ATRNL1: variants seen among roughly 807,000 people sequenced by gnomAD.
The protein encoded by ATRNL1 is attractin like 1.
A neutral mutation model predicts 182.7 loss-of-function variants in ATRNL1; 95 were observed. That is an observed-to-expected ratio of 0.52 (90% CI 0.44 to 0.62). ATRNL1 has a LOEUF of 0.62. Among genes scored for constraint, ATRNL1 ranks in the 20% least tolerant of loss-of-function variants. ATRNL1 has a pLI of 0.00. For missense variants in ATRNL1, 1,471 were observed against 1,679.5 expected (o/e 0.88, Z 2.17); for synonymous variants, 576 against 568.3 (o/e 1.01, Z -0.19).
chr10:115,877,488 C>T (rs782459635), intron 28 of ATRNL1, among the ~76,000 whole-genome samples: 1 of 152,190 alleles, frequency 6.6e-6, no homozygotes, highest in Non-Finnish European at 1.5e-5. Context: ...GGAAAGCCCA[C>T]TCCAGGGGGT....
At chr10:115,147,733 T>A (rs1846034732) in intron 5 of ATRNL1, among the ~76,000 whole-genome samples, 1 of 152,170 alleles carries the variant, frequency 6.6e-6, no homozygotes, top group Non-Finnish European at 1.5e-5. Context: ...GACTGTGCTT[T>A]CTCCAATGTA....
At chr10:115,617,502 G>C (rs1282118461) in intron 26 of ATRNL1, among the ~76,000 whole-genome samples, 1 of 152,092 alleles carries the variant, frequency 6.6e-6, no homozygotes, top group Non-Finnish European at 1.5e-5. Context: ...TGGGATTACA[G>C]GCATGCACCA....
intron 27 of ATRNL1, among the ~76,000 whole-genome samples, chr10:115,740,266 A>G (rs1392734982): frequency 5.3e-5 from 8 of 152,220 alleles, no homozygotes; most frequent in Admixed American, 1.3e-4. Context: ...ATTTCATACC[A>G]GAGACCTTTT....
At chr10:115,901,399 G>GA (rs1326946300) in intron 28 of ATRNL1, among the ~76,000 whole-genome samples, 1 of 152,086 alleles carries the variant, frequency 6.6e-6, no homozygotes, top group African/African-American at 2.4e-5. Flanking sequence ...ATATTTGAGT[G>GA]AAAAAAATTC....
intron 28 of ATRNL1, among the ~76,000 whole-genome samples, chr10:115,881,216 T>G (rs1371645863): frequency 1.3e-5 from 2 of 152,126 alleles, no homozygotes; most frequent in Non-Finnish European, 2.9e-5. Flanking sequence ...TACATGGGAG[T>G]ACCGTAGTTC....
At chr10:115,196,022 C>T (rs1554890935) in intron 8 of ATRNL1, among the ~76,000 whole-genome samples, 1 of 151,984 alleles carries the variant, frequency 6.6e-6, no homozygotes, top group African/African-American at 2.4e-5. Flanking sequence ...TAGGCTGCGT[C>T]CAGTGGCTCA....
chr10:115,630,500 C>A (rs1858411984), intron 26 of ATRNL1, among the ~76,000 whole-genome samples: 1 of 151,706 alleles, frequency 6.6e-6, no homozygotes, highest in Non-Finnish European at 1.5e-5. Context: ...TCCAACAAAT[C>A]TACTTCTGGG....
At chr10:115,475,918 G>C (rs1386645499) in intron 24 of ATRNL1, among the ~76,000 whole-genome samples, 2 of 151,228 alleles carry the variant, frequency 1.3e-5, no homozygotes, top group Admixed American at 1.3e-4. Context: ...TCTACTACAA[G>C]TCATACAAAA....
At chr10:115,229,916 C>T (rs1375047526) in intron 9 of ATRNL1, among the ~76,000 whole-genome samples, 1 of 152,062 alleles carries the variant, frequency 6.6e-6, no homozygotes, top group African/African-American at 2.4e-5. Context: ...AATGAATTCC[C>T]TGCCTACCTG....
chr10:115,494,504 A>G (rs536982923), intron 24 of ATRNL1, among the ~76,000 whole-genome samples: 1 of 152,294 alleles, frequency 6.6e-6, no homozygotes, highest in South Asian at 2.1e-4. Context: ...TGTTATTTCA[A>G]GGTATGTTCC....
intron 1 of ATRNL1, among the ~76,000 whole-genome samples, chr10:115,109,680 A>G (rs1844177223): frequency 6.6e-6 from 1 of 152,168 alleles, no homozygotes; most frequent in Non-Finnish European, 1.5e-5. Flanking sequence ...CTGTTATTCC[A>G]GTTTGCAATA....
intron 19 of ATRNL1, among the ~76,000 whole-genome samples, chr10:115,378,654 G>T (rs116107557): frequency 1.2e-3 from 180 of 152,268 alleles, no homozygotes; most frequent in African/African-American, 4.1e-3. Flanking sequence ...TTGGGGACCT[G>T]TTCAGGATCT....
chr10:115,849,055 C>T (rs1212996902), intron 28 of ATRNL1, among the ~76,000 whole-genome samples: 3 of 152,136 alleles, frequency 2.0e-5, no homozygotes, highest in Non-Finnish European at 4.4e-5. Context: ...GCCTTGTAAA[C>T]GTTAGGTATT....
chr10:115,373,533 C>T (rs1261009678), intron 19 of ATRNL1, among the ~76,000 whole-genome samples: 1 of 151,888 alleles, frequency 6.6e-6, no homozygotes, highest in Non-Finnish European at 1.5e-5. Flanking sequence ...GAAGTACATT[C>T]AATACTTAAT....
intron 18 of ATRNL1, among the ~76,000 whole-genome samples, chr10:115,322,516 A>G (rs1854636236): frequency 6.6e-6 from 1 of 152,026 alleles, no homozygotes; most frequent in African/African-American, 2.4e-5. Context: ...ATAATTCCTT[A>G]AAAATATCAG....
At chr10:115,529,448 G>T (rs113886358) in intron 25 of ATRNL1, among the ~76,000 whole-genome samples, 1 of 151,544 alleles carries the variant, frequency 6.6e-6, no homozygotes, top group African/African-American at 2.4e-5. Flanking sequence ...ATGTGACAGG[G>T]AAATAAATGG....
rs557084413 is a variant in ATRNL1, at chr10:115,892,166, A to G, written c.4018+44175A>G. On this transcript the variant is annotated intron_variant, in intron 28 of 28. Coordinates refer to ENST00000355044, the MANE Select transcript of ATRNL1 (RefSeq NM_207303.4). ...AGGCTTTTTTTCTCGCCTCAGAAAGATATTTCTGAAATTCATGACATTGTA... is the reference window on the plus strand; with the variant it reads ...AGGCTTTTTTTCTCGCCTCAGAAAGGTATTTCTGAAATTCATGACATTGTA... Among the ~76,000 whole-genome samples the G allele has an allele frequency of 7.2e-5, 11 of 152,254 alleles. No individual in the cohort carries two copies. In the East Asian group the frequency reaches 1.4e-3, roughly 19 times the overall value.
chr10:115,579,946 T>C (rs1261025244), intron 26 of ATRNL1, among the ~76,000 whole-genome samples: 1 of 152,002 alleles, frequency 6.6e-6, no homozygotes, highest in Non-Finnish European at 1.5e-5. Context: ...CAGTCTCTGC[T>C]TAGCTGATAA....
At chr10:115,192,397 G>T (rs530126794) in intron 8 of ATRNL1, among the ~76,000 whole-genome samples, 3 of 152,132 alleles carry the variant, frequency 2.0e-5, no homozygotes, top group East Asian at 1.9e-4. Context: ...TAAAAAACGA[G>T]TTGACTGTAA....
Sources: gnomAD v4.1 joint callset for allele counts (sites outside exome capture counted in the v4.1 genomes callset) on GRCh38, gnomAD v4.1.1 for gene constraint, MANE v1.5 for transcripts, NCBI Gene and HGNC (gene_info 2026-07-23, HGNC 2026-07-21) for gene names.